The following CNRIP1 variants were observed in gnomAD, a reference collection of about 807,000 sequenced individuals.
The protein encoded by CNRIP1 is CB1 cannabinoid receptor-interacting protein 1.
CNRIP1 carries 10 observed loss-of-function variants against 15.2 expected under a neutral mutation model. That is an observed-to-expected ratio of 0.66 (90% CI 0.41 to 1.12). The LOEUF is 1.12. CNRIP1 is among the 50% of genes most tolerant of loss of function. The probability of loss-of-function intolerance (pLI) is 0.00; values close to 1 mark genes in which losing one functional copy is unlikely to be tolerated. For missense variants in CNRIP1, 211 were observed against 214.7 expected (o/e 0.98, Z 0.11); for synonymous variants, 91 against 83.2 (o/e 1.09, Z -0.51).
intron 2 of CNRIP1, among the ~76,000 whole-genome samples, chr2:68,314,058 G>A (rs1005501334): frequency 2.2e-4 from 33 of 151,946 alleles, no homozygotes; most frequent in African/African-American, 6.3e-4. Flanking sequence ...AAACCATCCC[G>A]CAAATCTTGG....
chr2:68,316,855 T>A, intron 2 of CNRIP1: 1 of 583,098 alleles, frequency 1.7e-6, no homozygotes, highest in African/African-American at 1.9e-5. Flanking sequence ...CAGCCAATTA[T>A]CTAAACCAGT....
chr2:68,314,697 G>A (rs1252265891), intron 2 of CNRIP1, among the ~76,000 whole-genome samples: 3 of 152,098 alleles, frequency 2.0e-5, no homozygotes, highest in Non-Finnish European at 4.4e-5. Flanking sequence ...TGCAGTATTG[G>A]TGTAACAATA....
At chr2:68,295,678 G>A (rs1671327248) in intron 2 of CNRIP1, among the ~76,000 whole-genome samples, 1 of 152,170 alleles carries the variant, frequency 6.6e-6, no homozygotes, top group Non-Finnish European at 1.5e-5. Context: ...TCTATATAGT[G>A]ACAGAATGTA....
intron 2 of CNRIP1, chr2:68,316,890 A>C (rs1447902202): frequency 3.3e-6 from 2 of 604,332 alleles, no homozygotes; most frequent in Non-Finnish European, 5.9e-6. Context: ...TAACTGGGAA[A>C]ATGGCAATGT....
chr2:68,319,578 G>C lies in CNRIP1; in HGVS notation c.-178C>G. The C allele has an allele frequency of 1.6e-6, 1 of 610,356 alleles. No individual in the cohort carries two copies. 37.8% of individuals were successfully genotyped at this position (610,356 alleles called of 1,614,324 possible). On this transcript the variant is annotated 5_prime_UTR_variant, in exon 1 of 3. Coordinates refer to ENST00000263655, the MANE Select transcript of CNRIP1 (RefSeq NM_015463.3). ...CGCCGTCCGCCCGGGCTTTTGAGGAGCAGCTCCTTAGGCTGTGGCCCCCCT... is the reference window on the plus strand; with the variant it reads ...CGCCGTCCGCCCGGGCTTTTGAGGACCAGCTCCTTAGGCTGTGGCCCCCCT...
chr2:68,294,767 C>G (rs1201797741), intron 2 of CNRIP1, among the ~76,000 whole-genome samples: 1 of 152,180 alleles, frequency 6.6e-6, no homozygotes, highest in East Asian at 1.9e-4. Context: ...ATGCCTACAT[C>G]TTGGGCTTAG....
At chr2:68,291,662 C>T (rs1053769739), downstream of CNRIP1, among the ~76,000 whole-genome samples, 3 of 151,994 alleles carry the variant, frequency 2.0e-5, no homozygotes, top group East Asian at 5.8e-4. Flanking sequence ...AGGTAGATCA[C>T]GAGGTCAGGA....
At chr2:68,312,993 T>C (rs1436470258) in intron 2 of CNRIP1, among the ~76,000 whole-genome samples, 2 of 152,142 alleles carry the variant, frequency 1.3e-5, no homozygotes, top group African/African-American at 4.8e-5. Context: ...ATAGGTTTAA[T>C]GGAAACTCTA....
At chr2:68,303,795 G>A (rs536622141) in intron 2 of CNRIP1, among the ~76,000 whole-genome samples, 2 of 152,318 alleles carry the variant, frequency 1.3e-5, no homozygotes, top group South Asian at 4.1e-4. Flanking sequence ...AGGTTGGAGA[G>A]TCCAGGCGCG....
intron 2 of CNRIP1, among the ~76,000 whole-genome samples, chr2:68,286,844 C>A (rs1671043707): frequency 6.6e-6 from 1 of 152,200 alleles, no homozygotes; most frequent in African/African-American, 2.4e-5. Context: ...GGGCAGGTAG[C>A]CTAACCTCTC....
chr2:68,301,019 C>G (rs1368597062), intron 2 of CNRIP1, among the ~76,000 whole-genome samples: 3 of 152,202 alleles, frequency 2.0e-5, no homozygotes, highest in African/African-American at 7.2e-5. Context: ...TTCTTTCAGA[C>G]AGCAGACAGA....
chr2:68,319,477 AG>A lies in CNRIP1; in HGVS notation c.-78del. 7.3e-7 allele frequency: 1 copy of A among 1,377,638 alleles called. No homozygotes were observed. The highest frequency in any genetic ancestry group is 1.5e-5 in the South Asian group (1 of 66,752). 85.3% of individuals were successfully genotyped at this position (1,377,638 alleles called of 1,614,324 possible). ...GCTGCGGCCGAGTGGCTGGAGCGCG[AG>A]GGGCGGAGAGGAAGCGCGGGGAGGG... On this transcript the variant is annotated 5_prime_UTR_variant, in exon 1 of 3. Coordinates refer to ENST00000263655, the MANE Select transcript of CNRIP1 (RefSeq NM_015463.3).
chr2:68,312,890 T>G (rs942644546), intron 2 of CNRIP1, among the ~76,000 whole-genome samples: 1 of 152,098 alleles, frequency 6.6e-6, no homozygotes, highest in Non-Finnish European at 1.5e-5. Context: ...CTGTAATATA[T>G]TGTGGAGAAA....
intron 2 of CNRIP1, among the ~76,000 whole-genome samples, chr2:68,306,534 G>A (rs1471101458): frequency 3.3e-5 from 5 of 151,986 alleles, no homozygotes; most frequent in Admixed American, 6.6e-5. Context: ...TAATCCCAGC[G>A]TTTTGGGAGG....
rs1041997076 is a variant in CNRIP1 at position 68,293,717 on chromosome 2, A to C, written c.*145T>G. The C allele has an allele frequency of 2.8e-6, 4 of 1,435,396 alleles. No homozygotes were observed. The highest frequency in any genetic ancestry group is 3.7e-6 in the Non-Finnish European group (4 of 1,093,606). 88.9% of individuals were successfully genotyped at this position (1,435,396 alleles called of 1,614,324 possible). Reference sequence around the variant, plus strand: ...GGATATTGTGTCAGAGGGGAATTACACTTTCAAAATAACCAGGGCTAGTAG... The same window carrying C: ...GGATATTGTGTCAGAGGGGAATTACCCTTTCAAAATAACCAGGGCTAGTAG... On this transcript the variant is annotated 3_prime_UTR_variant, in exon 3 of 3. Transcript: ENST00000263655.
intron 2 of CNRIP1, chr2:68,284,549 C>A: frequency 1.9e-6 from 2 of 1,065,810 alleles, no homozygotes; most frequent in Admixed American, 2.6e-5. Context: ...CAGTGACTCA[C>A]GCCCGTAATC....
At chr2:68,291,142 C>T (rs1377650726), downstream of CNRIP1, among the ~76,000 whole-genome samples, 1 of 152,230 alleles carries the variant, frequency 6.6e-6, no homozygotes, top group Admixed American at 6.5e-5. Flanking sequence ...CAGTATATGC[C>T]AGGAGCGATC....
At chr2:68,291,878 C>CA (rs527648471), downstream of CNRIP1, among the ~76,000 whole-genome samples, 107 of 84,938 alleles carry the variant, frequency 1.3e-3, no homozygotes, top group East Asian at 1.7e-3. Context: ...GACTCCATCT[C>CA]AAAAAAAAAA....
intron 2 of CNRIP1, among the ~76,000 whole-genome samples, chr2:68,305,881 C>A (rs1410155543): frequency 6.6e-6 from 1 of 150,900 alleles, no homozygotes; most frequent in Non-Finnish European, 1.5e-5. Flanking sequence ...GTCATCCCAG[C>A]ACTTTGGGAG....
Sources: allele counts gnomAD v4.1 joint callset (sites outside exome capture counted in the v4.1 genomes callset), GRCh38; gene constraint gnomAD v4.1.1; transcripts MANE v1.5; gene names NCBI Gene and HGNC (gene_info 2026-07-23, HGNC 2026-07-21).